Variants in GRM7 observed in about 807,000 individuals in gnomAD.
GRM7 encodes the protein glutamate metabotropic receptor 7.
GRM7 carries 35 observed loss-of-function variants against 84.5 expected under a neutral mutation model. The observed-to-expected ratio is 0.41, with a 90% CI of 0.32 to 0.55. The LOEUF (loss-of-function observed/expected upper bound fraction) is 0.55, where lower values mean the gene tolerates loss of function less well. GRM7 is among the 20% of genes least tolerant of loss of function. GRM7 has a pLI of 0.19. For missense variants in GRM7, 1,003 were observed against 1,194.6 expected, an observed-to-expected ratio of 0.84 and a Z score of 2.36; for synonymous variants, 487 against 455.1, an observed-to-expected ratio of 1.07 and a Z score of -0.89.
At chr3:7,064,006 A>G (rs73808627) in intron 1 of GRM7, among the ~76,000 whole-genome samples, 26,367 of 151,628 alleles carry the variant, frequency 0.17, 2,540 homozygotes, top group Non-Finnish European at 0.22. Context: ...CCACACAGTC[A>G]TTTAGGGATC....
At chr3:7,237,012 A>G (rs1474310776) in intron 2 of GRM7, among the ~76,000 whole-genome samples, 1 of 152,176 alleles carries the variant, frequency 6.6e-6, no homozygotes, top group Non-Finnish European at 1.5e-5. Context: ...AATACTAAAT[A>G]CTTCTGTATA....
chr3:6,903,692 G>A (rs919072817), intron 1 of GRM7, among the ~76,000 whole-genome samples: 24 of 152,072 alleles, frequency 1.6e-4, no homozygotes, highest in Admixed American at 1.2e-3. Context: ...AGTTGTATAC[G>A]TACTTTAATT....
At chr3:7,024,867 CTG>C (rs1266390726) in intron 1 of GRM7, among the ~76,000 whole-genome samples, 1 of 152,246 alleles carries the variant, frequency 6.6e-6, no homozygotes, top group Non-Finnish European at 1.5e-5. Context: ...TTTTCTATGA[CTG>C]TTGTAAGAAA....
At chr3:7,663,500 G>C (rs552120588) in intron 8 of GRM7, among the ~76,000 whole-genome samples, 4 of 152,286 alleles carry the variant, frequency 2.6e-5, no homozygotes, top group African/African-American at 9.6e-5. Flanking sequence ...AATGCCTCTG[G>C]AGGGTGCAGC....
chr3:7,498,177 C>T (rs1445716346), intron 7 of GRM7, among the ~76,000 whole-genome samples: 1 of 152,116 alleles, frequency 6.6e-6, no homozygotes, highest in Admixed American at 6.5e-5. Flanking sequence ...GTAAACCTTG[C>T]CTCCCTTTTT....
rs554850577 is a variant in GRM7, at chr3:7,410,002, C to T, written c.1034-5021C>T. 7.2e-5 allele frequency among the ~76,000 whole-genome samples: 11 copies of T among 152,236 alleles called. No homozygotes were observed. The East Asian group carries it at 2.1e-3, about 29-fold the overall frequency. On this transcript the variant is annotated intron_variant, in intron 4 of 9. Coordinates refer to ENST00000357716, the MANE Select transcript of GRM7 (RefSeq NM_000844.4). ...TTTTAGATTCCTCAAATTGCCTCAA[C>T]AGCACATGAGAGAGATGCATTTCTC... is the stretch of plus-strand genomic sequence containing the variant.
chr3:6,945,910 G>GT, intron 1 of GRM7, among the ~76,000 whole-genome samples: 2 of 152,172 alleles, frequency 1.3e-5, no homozygotes, highest in East Asian at 3.9e-4. Context: ...TGGTGGGGTT[G>GT]TTTTTTTCTT....
At chr3:7,495,088 G>A (rs927536182) in intron 7 of GRM7, among the ~76,000 whole-genome samples, 2 of 152,180 alleles carry the variant, frequency 1.3e-5, no homozygotes, top group Non-Finnish European at 2.9e-5. Flanking sequence ...GCAGGAGGTA[G>A]CCACTGTTAA....
intron 9 of GRM7, among the ~76,000 whole-genome samples, chr3:7,692,417 A>G (rs1011117582): frequency 2.6e-5 from 4 of 152,086 alleles, no homozygotes; most frequent in African/African-American, 9.7e-5. Context: ...AGAAGCTGGG[A>G]TCCTACCAAA....
At position 7,578,447 on chromosome 3, in the gene GRM7, G is replaced by A. The variant is rs1404399443; in HGVS notation, c.1541G>A (p.Gly514Glu). The A allele has an allele frequency of 6.2e-7, 1 of 1,612,402 alleles. No homozygotes were observed. Among genetic ancestry groups the A allele is most frequent in the Non-Finnish European group, 8.5e-7 (1 of 1,178,734 alleles). The change falls in exon 8 of 10, where the codon GGA (glycine) becomes GAA (glutamate). Residue 514 changes from glycine to glutamate, a missense_variant. Physicochemically the swap from Gly to Glu is moderately conservative, Grantham distance 98. Coordinates refer to ENST00000357716, the MANE Select transcript of GRM7 (RefSeq NM_000844.4). ...LNIEDMQWGKGVREIPASVCT... is the reference protein window; with the variant it reads ...LNIEDMQWGKEVREIPASVCT... Reference sequence around the variant, plus strand: ...ATAGAAGACATGCAGTGGGGTAAAGGAGTCCGAGAGATACCCGCCTCAGTG... The same window carrying A: ...ATAGAAGACATGCAGTGGGGTAAAGAAGTCCGAGAGATACCCGCCTCAGTG...
chr3:6,936,612 G>C (rs910529624), intron 1 of GRM7, among the ~76,000 whole-genome samples: 3 of 152,112 alleles, frequency 2.0e-5, no homozygotes, highest in African/African-American at 7.2e-5. Flanking sequence ...TGCTGGAGTT[G>C]TTATGTGATT....
At chr3:7,016,139 C>T (rs527884471) in intron 1 of GRM7, among the ~76,000 whole-genome samples, 1 of 151,908 alleles carries the variant, frequency 6.6e-6, no homozygotes, top group Admixed American at 6.6e-5. Context: ...GGCTAAAATC[C>T]CAGCTAGTTC....
At chr3:6,984,886 T>C (rs1694349633) in intron 1 of GRM7, among the ~76,000 whole-genome samples, 1 of 152,214 alleles carries the variant, frequency 6.6e-6, no homozygotes, top group Admixed American at 6.5e-5. Flanking sequence ...ACTTAATGTA[T>C]TATTCCAGTG....
At chr3:7,302,263 CA>C (rs1400459858) in intron 3 of GRM7, among the ~76,000 whole-genome samples, 2 of 151,918 alleles carry the variant, frequency 1.3e-5, no homozygotes, top group African/African-American at 2.4e-5. Flanking sequence ...TTAATTTTTG[CA>C]ATAAGTTTTT....
intron 1 of GRM7, among the ~76,000 whole-genome samples, chr3:7,062,863 T>G (rs193144055): frequency 6.5e-4 from 99 of 151,890 alleles, no homozygotes; most frequent in Middle Eastern, 6.8e-3. Flanking sequence ...CTGTTCATAG[T>G]AGAATAGCTC....
intron 7 of GRM7, among the ~76,000 whole-genome samples, chr3:7,481,262 G>C (rs1559352790): frequency 6.6e-6 from 1 of 151,936 alleles, no homozygotes; most frequent in Non-Finnish European, 1.5e-5. Flanking sequence ...TTTTTTTGTA[G>C]AGACAGGATC....
chr3:7,245,691 CAT>C (rs1697731270), intron 2 of GRM7, among the ~76,000 whole-genome samples: 1 of 151,892 alleles, frequency 6.6e-6, no homozygotes, highest in Non-Finnish European at 1.5e-5. Flanking sequence ...ATTTGAAAAA[CAT>C]AAGGGAAATG....
chr3:7,410,582 AAT>A (rs766928937), intron 4 of GRM7, among the ~76,000 whole-genome samples: 38 of 113,750 alleles, frequency 3.3e-4, no homozygotes, highest in South Asian at 1.3e-3. Flanking sequence ...AAAAAAACAA[AAT>A]ATATATATAT....
At chr3:7,238,748 C>A (rs1471830949) in intron 2 of GRM7, among the ~76,000 whole-genome samples, 1 of 149,918 alleles carries the variant, frequency 6.7e-6, no homozygotes, top group Non-Finnish European at 1.5e-5. Flanking sequence ...TTTTTCTTTT[C>A]TTTTCTTTTC....
Sources: gnomAD v4.1 joint callset for allele counts (sites outside exome capture counted in the v4.1 genomes callset) on GRCh38, gnomAD v4.1.1 for gene constraint, MANE v1.5 for transcripts, NCBI Gene and HGNC (gene_info 2026-07-23, HGNC 2026-07-21) for gene names.